The following CPHXL2 variants were observed in gnomAD, a reference collection of about 807,000 sequenced individuals.
CPHXL2 encodes the protein cytoplasmic polyadenylated homeobox like 2.
chr16:75,668,452 C>A, the CPHXL2 span, among the ~76,000 whole-genome samples: 1 of 152,122 alleles, frequency 6.6e-6, no homozygotes, highest in African/African-American at 2.4e-5. Context: ...TGGTCTCAAA[C>A]TCCTGACCTC....
chr16:75,667,862 G>A, the CPHXL2 span, among the ~76,000 whole-genome samples: 1,857 of 152,272 alleles, frequency 0.012, 46 homozygotes, highest in African/African-American at 0.042. Context: ...CCCCTCCTTA[G>A]TAAAAGGCAA....
the CPHXL2 span, among the ~76,000 whole-genome samples, chr16:75,670,481 G>A: frequency 1.3e-5 from 2 of 152,044 alleles, no homozygotes; most frequent in African/African-American, 2.4e-5. Flanking sequence ...GCTATTTTTG[G>A]CATGCACAGT....
At chr16:75,667,972 A>G in the CPHXL2 span, among the ~76,000 whole-genome samples, 3 of 152,068 alleles carry the variant, frequency 2.0e-5, no homozygotes, top group African/African-American at 4.8e-5. Context: ...TGTCAGCTCC[A>G]TCTCAAACAT....
the CPHXL2 span, among the ~76,000 whole-genome samples, chr16:75,664,413 G>A: frequency 0.095 from 14,501 of 152,058 alleles, 1,274 homozygotes; most frequent in African/African-American, 0.24. Flanking sequence ...ATCACCTGAG[G>A]TCGGGAGTTT....
the CPHXL2 span, among the ~76,000 whole-genome samples, chr16:75,663,920 C>T: frequency 6.8e-6 from 1 of 146,134 alleles, no homozygotes; most frequent in Non-Finnish European, 1.5e-5. Context: ...ATAAAACATA[C>T]TCTTCAAGTC....
the CPHXL2 span, among the ~76,000 whole-genome samples, chr16:75,668,935 A>C: frequency 6.6e-6 from 1 of 152,148 alleles, no homozygotes; most frequent in African/African-American, 2.4e-5. Context: ...ATATATTTTG[A>C]TTACTCTCTC....
the CPHXL2 span, among the ~76,000 whole-genome samples, chr16:75,676,023 G>T: frequency 6.6e-6 from 1 of 152,048 alleles, no homozygotes; most frequent in Admixed American, 6.5e-5. Context: ...AGGTTGCAGT[G>T]AGCCGAGATC....
At chr16:75,664,547 C>A in the CPHXL2 span, among the ~76,000 whole-genome samples, 2 of 144,494 alleles carry the variant, frequency 1.4e-5, no homozygotes, top group African/African-American at 5.2e-5. Context: ...ATTGCTTGAA[C>A]TGGGGAGGCA....
chr16:75,673,453 C>CA, the CPHXL2 span, among the ~76,000 whole-genome samples: 77 of 138,238 alleles, frequency 5.6e-4, no homozygotes, highest in African/African-American at 8.3e-4. Flanking sequence ...AATCCTGTCT[C>CA]AAAAAAAAAA....
chr16:75,666,795 A>G, the CPHXL2 span, among the ~76,000 whole-genome samples: 4 of 152,154 alleles, frequency 2.6e-5, no homozygotes, highest in African/African-American at 9.7e-5. Context: ...TAATCAGCAC[A>G]TGGAATTTTC....
the CPHXL2 span, chr16:75,669,677 A>G: frequency 2.5e-6 from 1 of 395,426 alleles, no homozygotes; most frequent in African/African-American, 2.1e-5. Flanking sequence ...GCGTGACCTC[A>G]TAGCTACTCA....
At chr16:75,675,149 A>C in the CPHXL2 span, among the ~76,000 whole-genome samples, 26 of 149,886 alleles carry the variant, frequency 1.7e-4, no homozygotes, top group African/African-American at 6.1e-4. Context: ...AGATCGTGCC[A>C]CTGCACTCCA....
chr16:75,671,178 T>A, the CPHXL2 span, among the ~76,000 whole-genome samples: 12 of 150,828 alleles, frequency 8.0e-5, no homozygotes, highest in African/African-American at 3.0e-4. Flanking sequence ...AGGTCAGGAG[T>A]TCGAGGATAG....
chr16:75,662,796 CTTT>C, the CPHXL2 span, among the ~76,000 whole-genome samples: 7 of 123,128 alleles, frequency 5.7e-5, no homozygotes, highest in East Asian at 1.5e-3. Flanking sequence ...GGAGATAATT[CTTT>C]TTTTTTTTTT....
chr16:75,661,797 A>G, the CPHXL2 span, among the ~76,000 whole-genome samples: 14 of 152,164 alleles, frequency 9.2e-5, no homozygotes, highest in Non-Finnish European at 2.1e-4. Flanking sequence ...TATTGACCAT[A>G]TATTTGTTGT....
the CPHXL2 span, among the ~76,000 whole-genome samples, chr16:75,668,486 C>T: frequency 3.9e-5 from 6 of 152,110 alleles, no homozygotes; most frequent in Non-Finnish European, 8.8e-5. Flanking sequence ...TGTGGCCTCC[C>T]AAAGTGCTAG....
At chr16:75,667,028 C>T in the CPHXL2 span, among the ~76,000 whole-genome samples, 1 of 151,896 alleles carries the variant, frequency 6.6e-6, no homozygotes, top group African/African-American at 2.4e-5. Flanking sequence ...ATTCTTCAAA[C>T]TGGCCAGGTG....
chr16:75,668,209 C>CTA, the CPHXL2 span, among the ~76,000 whole-genome samples: 85 of 131,650 alleles, frequency 6.5e-4, no homozygotes, highest in African/African-American at 1.8e-3. Flanking sequence ...CTCTCTCTCT[C>CTA]TCTCTATATA....
the CPHXL2 span, chr16:75,676,865 A>C: frequency 1.0e-5 from 4 of 397,950 alleles, no homozygotes; most frequent in Non-Finnish European, 8.9e-6. Context: ...AATAATATCA[A>C]ACTGACTGCC....
Sources: allele counts gnomAD v4.1 joint callset (sites outside exome capture counted in the v4.1 genomes callset), GRCh38; gene constraint gnomAD v4.1.1; transcripts MANE v1.5; gene names NCBI Gene and HGNC (gene_info 2026-07-23, HGNC 2026-07-21).